The following ADGRB3 variants were observed in gnomAD, a reference collection of about 807,000 sequenced individuals.
ADGRB3 encodes adhesion G protein-coupled receptor B3.
In ADGRB3, 37 loss-of-function variants were observed where a neutral mutation model predicts 193.4. The ratio of observed to expected loss-of-function variants is 0.19; its 90% CI spans 0.15 to 0.25. The LOEUF (loss-of-function observed/expected upper bound fraction) is 0.25, where lower values mean the gene tolerates loss of function less well. Ranked by LOEUF, ADGRB3 falls within the 10% of genes least tolerant of loss-of-function variation. ADGRB3 has a pLI of 1.00. For missense variants in ADGRB3, 1,637 were observed against 1,852.9 expected (o/e 0.88, Z 2.14); for synonymous variants, 690 against 644.2 (o/e 1.07, Z -1.08).
intron 13 of ADGRB3, among the ~76,000 whole-genome samples, chr6:69,021,487 G>A (rs1466722880): frequency 1.3e-5 from 2 of 151,818 alleles, no homozygotes; most frequent in African/African-American, 4.8e-5. Context: ...GATAGAATGG[G>A]TTGGAAGCAG....
At chr6:69,084,472 A>G (rs1340733768) in intron 17 of ADGRB3, among the ~76,000 whole-genome samples, 3 of 152,330 alleles carry the variant, frequency 2.0e-5, no homozygotes, top group East Asian at 1.9e-4. Flanking sequence ...GTATTTCTAA[A>G]TCCAAAACAT....
At chr6:69,152,990 A>G (rs1263685631) in intron 17 of ADGRB3, among the ~76,000 whole-genome samples, 1 of 152,182 alleles carries the variant, frequency 6.6e-6, no homozygotes, top group East Asian at 1.9e-4. Context: ...GTGTTAAGGA[A>G]ATGATTACAA....
At chr6:69,151,399 T>A (rs1021051865) in intron 17 of ADGRB3, among the ~76,000 whole-genome samples, 1 of 152,162 alleles carries the variant, frequency 6.6e-6, no homozygotes, top group Non-Finnish European at 1.5e-5. Flanking sequence ...CATTGCAAAG[T>A]CCCACAATCA....
At chr6:69,053,467 T>C (rs191766217) in intron 15 of ADGRB3, among the ~76,000 whole-genome samples, 2 of 152,340 alleles carry the variant, frequency 1.3e-5, no homozygotes, top group Admixed American at 1.3e-4. Flanking sequence ...AGTATATCTG[T>C]ATCCATTGCA....
intron 3 of ADGRB3, among the ~76,000 whole-genome samples, chr6:68,861,888 G>A (rs1765165496): frequency 1.3e-5 from 2 of 152,068 alleles, no homozygotes; most frequent in South Asian, 4.2e-4. Context: ...ATTAAATGGG[G>A]GTAATATATG....
chr6:68,757,651 G>T (rs548383093), intron 3 of ADGRB3, among the ~76,000 whole-genome samples: 4 of 151,460 alleles, frequency 2.6e-5, no homozygotes, highest in Admixed American at 6.6e-5. Context: ...TTCTTTTTCT[G>T]CAAGTCCCAA....
chr6:69,101,813 A>G (rs1468879125), intron 17 of ADGRB3, among the ~76,000 whole-genome samples: 1 of 152,076 alleles, frequency 6.6e-6, no homozygotes, highest in East Asian at 1.9e-4. Flanking sequence ...AATTTTCCCA[A>G]TACCACTAAG....
intron 10 of ADGRB3, among the ~76,000 whole-genome samples, chr6:68,993,104 C>T (rs1769285369): frequency 6.6e-6 from 1 of 152,076 alleles, no homozygotes; most frequent in Admixed American, 6.6e-5. Context: ...GCACATTTCT[C>T]TGACCATCAA....
chr6:69,386,575 G>A (rs954257622), intron 31 of ADGRB3, among the ~76,000 whole-genome samples: 4 of 152,148 alleles, frequency 2.6e-5, no homozygotes, highest in South Asian at 4.1e-4. Context: ...TAGTAGCCAG[G>A]CATTCAGAAT....
intron 17 of ADGRB3, among the ~76,000 whole-genome samples, chr6:69,138,151 C>A (rs1333739952): frequency 6.6e-6 from 1 of 152,142 alleles, no homozygotes; most frequent in Non-Finnish European, 1.5e-5. Flanking sequence ...AAGAAAGAAG[C>A]CTGGAATATA....
intron 3 of ADGRB3, among the ~76,000 whole-genome samples, chr6:68,660,485 A>G (rs1768602439): frequency 6.6e-6 from 1 of 151,004 alleles, no homozygotes; most frequent in Non-Finnish European, 1.5e-5. Flanking sequence ...TGTGTAGGCC[A>G]TACCAGAAGT....
chr6:69,041,369 A>T (rs945058164), intron 13 of ADGRB3, among the ~76,000 whole-genome samples: 1 of 152,156 alleles, frequency 6.6e-6, no homozygotes, highest in African/African-American at 2.4e-5. Flanking sequence ...CCCTTTTGAT[A>T]ACCACCACTC....
chr6:68,965,295 C>T (rs1768346281), intron 8 of ADGRB3, among the ~76,000 whole-genome samples: 2 of 152,246 alleles, frequency 1.3e-5, no homozygotes, highest in African/African-American at 4.8e-5. Context: ...TAGGTACCAC[C>T]TTGGAAATTA....
intron 3 of ADGRB3, among the ~76,000 whole-genome samples, chr6:68,672,188 G>A (rs1768980788): frequency 6.7e-6 from 1 of 150,230 alleles, no homozygotes; most frequent in Non-Finnish European, 1.5e-5. Context: ...TTGTAAATTT[G>A]TTTAACTTTC....
chr6:68,730,644 A>G (rs1765756336), intron 3 of ADGRB3, among the ~76,000 whole-genome samples: 1 of 151,692 alleles, frequency 6.6e-6, no homozygotes, highest in African/African-American at 2.4e-5. Flanking sequence ...TGCTAGGCTC[A>G]TTCTTCTTGC....
chr6:68,707,547 G>T (rs187586326), intron 3 of ADGRB3, among the ~76,000 whole-genome samples: 1 of 152,120 alleles, frequency 6.6e-6, no homozygotes, highest in East Asian at 1.9e-4. Flanking sequence ...TAACATAATT[G>T]ACATAATCCA....
intron 3 of ADGRB3, among the ~76,000 whole-genome samples, chr6:68,772,046 A>C (rs1406522656): frequency 1.3e-5 from 2 of 152,120 alleles, no homozygotes; most frequent in Non-Finnish European, 2.9e-5. Flanking sequence ...TTAACAATGG[A>C]ATATTGCTTT....
At chr6:68,683,524 G>A (rs745812881) in intron 3 of ADGRB3, among the ~76,000 whole-genome samples, 1 of 152,094 alleles carries the variant, frequency 6.6e-6, no homozygotes, top group Non-Finnish European at 1.5e-5. Flanking sequence ...GGAATTATGA[G>A]TAATATTTTC....
intron 3 of ADGRB3, among the ~76,000 whole-genome samples, chr6:68,766,575 G>A (rs2127353799): frequency 6.6e-6 from 1 of 151,908 alleles, no homozygotes; most frequent in East Asian, 1.9e-4. Flanking sequence ...CCTAGATGAG[G>A]CTATTTTGAA....
Sources: gnomAD v4.1 joint callset for allele counts (sites outside exome capture counted in the v4.1 genomes callset) on GRCh38, gnomAD v4.1.1 for gene constraint, MANE v1.5 for transcripts, NCBI Gene and HGNC (gene_info 2026-07-23, HGNC 2026-07-21) for gene names.